Variants in YPEL1 observed in about 807,000 individuals in gnomAD.
YPEL1 encodes the protein yippee like 1.
A neutral mutation model predicts 17.3 loss-of-function variants in YPEL1; 7 were observed. The observed-to-expected ratio is 0.40, with a 90% CI of 0.23 to 0.76. The LOEUF (loss-of-function observed/expected upper bound fraction) is 0.76. YPEL1 is among the 30% of genes least tolerant of loss of function. YPEL1 has a pLI of 0.35. For missense variants in YPEL1, 91 were observed against 155.5 expected, an observed-to-expected ratio of 0.59 and a Z score of 2.21; for synonymous variants, 59 against 59.6, an observed-to-expected ratio of 0.99 and a Z score of 0.05.
intron 1 of YPEL1, among the ~76,000 whole-genome samples, chr22:21,726,424 C>T (rs1279103721): frequency 6.6e-6 from 1 of 152,190 alleles, no homozygotes; most frequent in Admixed American, 6.5e-5. Flanking sequence ...AATAGGCATC[C>T]CTGCCCGCTA....
chr22:21,713,040 C>T (rs1361735638), intron 1 of YPEL1, among the ~76,000 whole-genome samples: 2 of 152,108 alleles, frequency 1.3e-5, no homozygotes, highest in African/African-American at 4.8e-5. Flanking sequence ...CTGAGGGAGG[C>T]AGACAAGGAC....
At chr22:21,732,857 T>C (rs1420259633) in intron 1 of YPEL1, among the ~76,000 whole-genome samples, 1 of 152,110 alleles carries the variant, frequency 6.6e-6, no homozygotes, top group South Asian at 2.1e-4. Flanking sequence ...TCCCAACACA[T>C]CGGGAGGCTG....
chr22:21,710,762 C>T lies in YPEL1; in HGVS notation c.-18G>A. On this transcript the variant is annotated 5_prime_UTR_variant, in exon 2 of 5. Transcript: ENST00000339468. Reference sequence around the variant, plus strand: ...TTCACCATCTCTCCTGGGCACTCCTCACTCAGCTCAGGGCTGGTTCTGGAA... The same window carrying T: ...TTCACCATCTCTCCTGGGCACTCCTTACTCAGCTCAGGGCTGGTTCTGGAA... 1 of 1,605,068 alleles carries T rather than the reference C, an allele frequency of 6.2e-7. No homozygotes were observed. Among genetic ancestry groups the T allele is most frequent in the South Asian group, 1.1e-5 (1 of 90,940 alleles).
chr22:21,710,623 C>A lies in YPEL1; in HGVS notation c.117+5G>T. The A allele has an allele frequency of 6.2e-7, 1 of 1,613,860 alleles. No individual in the cohort carries two copies. The highest frequency in any genetic ancestry group is 8.5e-7 in the Non-Finnish European group (1 of 1,179,670). ...GCCATCAATTTTTTGGCATAAGCCA[C>A]TTGCCTTGGAGATGAGCTCGTCATG... On this transcript the variant is annotated splice_donor_5th_base_variant and intron_variant, in intron 2 of 4. Transcript: ENST00000339468.
At chr22:21,705,774 C>T (rs1043166257) in intron 2 of YPEL1, among the ~76,000 whole-genome samples, 6 of 151,542 alleles carry the variant, frequency 4.0e-5, no homozygotes, top group East Asian at 1.9e-4. Context: ...CTCAGGAGTT[C>T]GAGAGCCATG....
intron 1 of YPEL1, among the ~76,000 whole-genome samples, chr22:21,722,094 A>G (rs2068289230): frequency 6.6e-6 from 1 of 152,220 alleles, no homozygotes; most frequent in African/African-American, 2.4e-5. Flanking sequence ...TAAAGAGAAC[A>G]TGGTATACAC....
chr22:21,728,369 A>T (rs1260681429), intron 1 of YPEL1, among the ~76,000 whole-genome samples: 1 of 152,200 alleles, frequency 6.6e-6, no homozygotes, highest in African/African-American at 2.4e-5. Flanking sequence ...GGAATGGACA[A>T]CGGATAAAAC....
chr22:21,728,569 T>C (rs1445711403), intron 1 of YPEL1, among the ~76,000 whole-genome samples: 2 of 152,116 alleles, frequency 1.3e-5, no homozygotes, highest in East Asian at 3.9e-4. Context: ...GCACCCAAGG[T>C]TGCACAGCCA....
rs1431789174 is a variant in YPEL1 at position 21,701,034 on chromosome 22, G to T, written c.*95C>A. The T allele has an allele frequency of 5.3e-6, 6 of 1,125,486 alleles. No individual in the cohort carries two copies. The highest frequency in any genetic ancestry group is 7.9e-6 in the Non-Finnish European group (6 of 756,200). 69.7% of individuals were successfully genotyped at this position (1,125,486 alleles called of 1,614,324 possible). A position where few individuals can be genotyped will look rare whatever the true frequency, so the allele number is the denominator to read the frequency against. ...CGCAGCTAGCCTTTGAGGTCAGAGGGCAAGAAAGGCTGTCACCAGATGCTC... is the reference window on the plus strand; with the variant it reads ...CGCAGCTAGCCTTTGAGGTCAGAGGTCAAGAAAGGCTGTCACCAGATGCTC... On this transcript the variant is annotated 3_prime_UTR_variant, in exon 5 of 5. Transcript: ENST00000339468.
chr22:21,701,015 T>G lies in YPEL1; in HGVS notation c.*114A>C. ...GAGAGTGTCAAGAGCTATGCGCAGC[T>G]AGCCTTTGAGGTCAGAGGGCAAGAA... On this transcript the variant is annotated 3_prime_UTR_variant, in exon 5 of 5. Transcript: ENST00000339468. 1.1e-6 allele frequency: 1 copy of G among 878,338 alleles called. No individual in the cohort carries two copies. Among genetic ancestry groups the G allele is most frequent in the East Asian group, 2.5e-5 (1 of 39,888 alleles). 54.4% of individuals were successfully genotyped at this position (878,338 alleles called of 1,614,324 possible). A position where few individuals can be genotyped will look rare whatever the true frequency, so the allele number is the denominator to read the frequency against.
At chr22:21,702,098 C>T (rs1601622692) in intron 4 of YPEL1, among the ~76,000 whole-genome samples, 3 of 152,300 alleles carry the variant, frequency 2.0e-5, no homozygotes, top group African/African-American at 7.2e-5. Flanking sequence ...CCCACAGACA[C>T]ATCCTCATCA....
At chr22:21,724,612 ACT>A (rs1236825646) in intron 1 of YPEL1, among the ~76,000 whole-genome samples, 1 of 147,262 alleles carries the variant, frequency 6.8e-6, no homozygotes, top group Admixed American at 6.9e-5. Context: ...ACAGGGTCTC[ACT>A]CTGTTGCCCA....
At chr22:21,728,052 G>A (rs535839445) in intron 1 of YPEL1, among the ~76,000 whole-genome samples, 4 of 152,340 alleles carry the variant, frequency 2.6e-5, no homozygotes, top group African/African-American at 7.2e-5. Flanking sequence ...GCCAGGGAGA[G>A]CGGGGAAGGA....
Position 21,703,603 on chromosome 22 carries a change from A to G in YPEL1, c.162-125T>C. The G allele has an allele frequency of 1.1e-6, 1 of 922,976 alleles. No individual in the cohort carries two copies. The highest frequency in any genetic ancestry group is 1.5e-5 in the South Asian group (1 of 65,862). The allele number at this position is 922,976 out of a possible 1,614,324, so 57.2% of individuals were successfully genotyped here. On this transcript the variant is annotated intron_variant, in intron 3 of 4. Coordinates refer to ENST00000339468, the MANE Select transcript of YPEL1 (RefSeq NM_013313.5). This position sits in a 1 kb window ranked among gnomAD's most constrained non-coding sequence, Gnocchi z 6.1. Reference sequence around the variant, plus strand: ...CAAAACAGGGAAACTCCCAGAGAGCAGTGCCGTGCCTCTCCCCCAGCCCTG... The same window carrying G: ...CAAAACAGGGAAACTCCCAGAGAGCGGTGCCGTGCCTCTCCCCCAGCCCTG...
chr22:21,721,432 T>C (rs1601638076), intron 1 of YPEL1, among the ~76,000 whole-genome samples: 2 of 7,118 alleles, frequency 2.8e-4, no homozygotes, highest in East Asian at 1.7e-3. Context: ...TTTCTTTTTT[T>C]TTTTTTTTTG....
chr22:21,731,925 T>C (rs1023075855), intron 1 of YPEL1, among the ~76,000 whole-genome samples: 2 of 152,132 alleles, frequency 1.3e-5, no homozygotes, highest in African/African-American at 4.8e-5. Flanking sequence ...GGCAGGAGCA[T>C]GTGTCACTGT....
At chr22:21,721,325 A>G (rs1218150512) in intron 1 of YPEL1, among the ~76,000 whole-genome samples, 4 of 150,838 alleles carry the variant, frequency 2.7e-5, no homozygotes, top group Non-Finnish European at 5.9e-5. Flanking sequence ...TCACCATGTT[A>G]GCCAGGATGG....
chr22:21,725,710 C>T (rs769465372), intron 1 of YPEL1, among the ~76,000 whole-genome samples: 8 of 151,854 alleles, frequency 5.3e-5, no homozygotes, highest in African/African-American at 1.2e-4. Context: ...ATCACTACTG[C>T]GGCCGGGTGC....
intron 1 of YPEL1, among the ~76,000 whole-genome samples, chr22:21,731,323 C>A (rs1472177235): frequency 2.1e-5 from 3 of 141,078 alleles, no homozygotes; most frequent in Non-Finnish European, 4.6e-5. Flanking sequence ...CAGAGTGAGA[C>A]CCTGTGTCAA....
Sources: allele counts gnomAD v4.1 joint callset (sites outside exome capture counted in the v4.1 genomes callset), GRCh38; gene constraint gnomAD v4.1.1; non-coding constraint Gnocchi (gnomAD v3.1); transcripts MANE v1.5; gene names NCBI Gene and HGNC (gene_info 2026-07-23, HGNC 2026-07-21).